RALGPS1: variants seen among roughly 807,000 people sequenced by gnomAD.
The protein encoded by RALGPS1 is ras-specific guanine nucleotide-releasing factor RalGPS1.
RALGPS1 carries 19 observed loss-of-function variants against 78.8 expected under a neutral mutation model. That is an observed-to-expected ratio of 0.24 (90% CI 0.17 to 0.35). The LOEUF is 0.35. Among genes scored for constraint, RALGPS1 ranks in the 10% least tolerant of loss-of-function variants. The pLI is 1.00. For synonymous variants in RALGPS1, 228 were observed against 256.3 expected (o/e 0.89, Z 1.06); for missense variants, 454 against 688.3 (o/e 0.66, Z 3.81).
chr9:127,142,256 C>T (rs2138708436), intron 8 of RALGPS1, among the ~76,000 whole-genome samples: 1 of 152,266 alleles, frequency 6.6e-6, no homozygotes, highest in South Asian at 2.1e-4. Flanking sequence ...TATGGGAAGC[C>T]CTGGTCTCAG....
chr9:127,185,463 C>T (rs1384695562), intron 11 of RALGPS1, among the ~76,000 whole-genome samples: 2 of 152,224 alleles, frequency 1.3e-5, no homozygotes, highest in Non-Finnish European at 2.9e-5. Flanking sequence ...GGCTGCTCAA[C>T]TGGGCAAGTT....
chr9:126,952,508 G>C (rs974763710), intron 1 of RALGPS1, among the ~76,000 whole-genome samples: 1 of 152,114 alleles, frequency 6.6e-6, no homozygotes, highest in Admixed American at 6.5e-5. Flanking sequence ...TAACAGCATG[G>C]CCATCCTTAC....
chr9:126,980,211 TTGTGGC>T (rs2132763744), intron 4 of RALGPS1, among the ~76,000 whole-genome samples: 1 of 152,352 alleles, frequency 6.6e-6, no homozygotes, highest in Admixed American at 6.5e-5. Context: ...GCCTGCCATG[TTGTGGC>T]TGGACCACCC....
At chr9:127,060,946 T>G (rs943128226) in intron 7 of RALGPS1, among the ~76,000 whole-genome samples, 1 of 152,194 alleles carries the variant, frequency 6.6e-6, no homozygotes, top group African/African-American at 2.4e-5. Flanking sequence ...CAGCCAGTCT[T>G]TAACCATCAT....
intron 8 of RALGPS1, among the ~76,000 whole-genome samples, chr9:127,155,577 A>G (rs978407661): frequency 2.0e-5 from 3 of 152,214 alleles, no homozygotes. Flanking sequence ...TGCTGTGCTA[A>G]GGAGTTTTCA....
intron 11 of RALGPS1, chr9:127,184,464 G>A (rs1172610169): frequency 2.8e-5 from 6 of 211,520 alleles, no homozygotes; most frequent in South Asian, 2.1e-4. Flanking sequence ...AGGCTCCACT[G>A]TGAAACCTGG....
intron 4 of RALGPS1, among the ~76,000 whole-genome samples, chr9:127,000,889 A>G (rs1333365203): frequency 6.6e-6 from 1 of 151,698 alleles, no homozygotes; most frequent in Non-Finnish European, 1.5e-5. Flanking sequence ...GTAGTTAGAG[A>G]ACATACTTTG....
At chr9:127,167,351 C>T (rs941108014) in intron 9 of RALGPS1, among the ~76,000 whole-genome samples, 1 of 152,364 alleles carries the variant, frequency 6.6e-6, no homozygotes, top group African/African-American at 2.4e-5. Context: ...CAGGTTTCGC[C>T]TGGCCTGGGC....
At chr9:127,052,974 C>T (rs763439798) in intron 7 of RALGPS1, 35 bp downstream of exon 7, 3 of 1,407,934 alleles carry the variant, frequency 2.1e-6, no homozygotes, top group Non-Finnish European at 2.0e-6. Context: ...CTAATTTTGG[C>T]TATCATTTCA....
chr9:127,195,046 C>G (rs775738378), intron 11 of RALGPS1, 45 bp from the exon 12 acceptor site: 1 of 1,604,120 alleles, frequency 6.2e-7, no homozygotes, highest in South Asian at 1.1e-5. Flanking sequence ...GCCCCTCACC[C>G]TCCCATCATA....
chr9:127,144,911 A>G lies in RALGPS1; in HGVS notation c.611-21158A>G, dbSNP rs554841374. On this transcript the variant is annotated intron_variant, in intron 8 of 18. Transcript: ENST00000259351. ...TTTGAGGTGAAGAAAATGTTCCAGAACAAAATAGTGATGATAGTTACACAA... is the reference window on the plus strand; with the variant it reads ...TTTGAGGTGAAGAAAATGTTCCAGAGCAAAATAGTGATGATAGTTACACAA... Among the ~76,000 whole-genome samples the G allele has an allele frequency of 4.5e-4, 68 of 152,354 alleles. 1 individual carries two copies. The highest frequency in any genetic ancestry group is 1.5e-3 in the African/African-American group (64 of 41,584).
At chr9:127,163,306 T>A (rs1003339896) in intron 8 of RALGPS1, among the ~76,000 whole-genome samples, 2 of 152,148 alleles carry the variant, frequency 1.3e-5, no homozygotes, top group African/African-American at 4.8e-5. Context: ...CATTTTTTTT[T>A]AAATTGTGCA....
At chr9:127,050,020 T>C in intron 5 of RALGPS1, 23 bp from the exon 6 acceptor site, 1 of 1,555,672 alleles carries the variant, frequency 6.4e-7, no homozygotes, top group South Asian at 1.1e-5. Flanking sequence ...TATGTGTGTA[T>C]GTGTGTGTAT....
At chr9:127,159,484 A>G (rs1200779370) in intron 8 of RALGPS1, among the ~76,000 whole-genome samples, 1 of 152,208 alleles carries the variant, frequency 6.6e-6, no homozygotes, top group East Asian at 1.9e-4. Context: ...ACCACCTGCC[A>G]TGTGACTGCC....
chr9:126,938,295 C>T (rs1234500979), intron 1 of RALGPS1, among the ~76,000 whole-genome samples: 1 of 152,220 alleles, frequency 6.6e-6, no homozygotes. Flanking sequence ...ACCTGAGGAG[C>T]TCTGTCTAAT....
chr9:127,135,226 G>C (rs2057312817), intron 8 of RALGPS1, among the ~76,000 whole-genome samples: 1 of 152,234 alleles, frequency 6.6e-6, no homozygotes, highest in Non-Finnish European at 1.5e-5. Flanking sequence ...CTAGTATAGA[G>C]ATGTCTGAAA....
At chr9:127,060,525 TG>T (rs915293644) in intron 7 of RALGPS1, among the ~76,000 whole-genome samples, 4 of 152,116 alleles carry the variant, frequency 2.6e-5, no homozygotes, top group African/African-American at 7.2e-5. Flanking sequence ...TTGTTGTTGT[TG>T]TTGTTGTTGT....
chr9:127,178,189 C>T (rs979556560), intron 11 of RALGPS1: 4 of 470,874 alleles, frequency 8.5e-6, no homozygotes, highest in African/African-American at 8.0e-5. Context: ...AGAAAAATCC[C>T]TGGCCTCCCT....
At chr9:127,089,809 C>T (rs1436189773) in intron 8 of RALGPS1, among the ~76,000 whole-genome samples, 2 of 152,190 alleles carry the variant, frequency 1.3e-5, no homozygotes, top group African/African-American at 4.8e-5. Context: ...GGAAGGTGTG[C>T]GCGGGCATGC....
Sources: gnomAD v4.1 joint callset for allele counts (sites outside exome capture counted in the v4.1 genomes callset) on GRCh38, gnomAD v4.1.1 for gene constraint, MANE v1.5 for transcripts, NCBI Gene and HGNC (gene_info 2026-07-23, HGNC 2026-07-21) for gene names.